Variants in OSBPL6 observed in about 807,000 individuals in gnomAD.
The protein encoded by OSBPL6 is oxysterol-binding protein-related protein 6.
OSBPL6 carries 49 observed loss-of-function variants against 125.8 expected under a neutral mutation model. The ratio of observed to expected loss-of-function variants is 0.39; its 90% CI spans 0.31 to 0.49. The LOEUF is 0.49. Ranked by LOEUF, OSBPL6 falls within the 20% of genes least tolerant of loss-of-function variation. The pLI is 0.88. For missense variants in OSBPL6, 986 were observed against 1,135.4 expected (o/e 0.87, Z 1.89); for synonymous variants, 394 against 391.8 (o/e 1.01, Z -0.07).
In OSBPL6 at chr2:178,221,757, G is replaced by C. The variant is rs546135916; in HGVS notation, c.-351+27083G>C. 4.6e-4 allele frequency among the ~76,000 whole-genome samples: 70 copies of C among 152,336 alleles called. 2 individuals are homozygous for C. The South Asian group carries it at 1.0e-2, about 22-fold the overall frequency. Reference sequence around the variant, plus strand: ...CTCAGTCAACCAACCATGTTTTGGGGAGTAGGGAGGAGGGCTGGTTTCACA... The same window carrying C: ...CTCAGTCAACCAACCATGTTTTGGGCAGTAGGGAGGAGGGCTGGTTTCACA... On this transcript the variant is annotated intron_variant, in intron 1 of 24. Coordinates refer to ENST00000190611, the MANE Select transcript of OSBPL6 (RefSeq NM_032523.4).
At chr2:178,291,925 C>A (rs1287004748) in intron 2 of OSBPL6, among the ~76,000 whole-genome samples, 1 of 151,970 alleles carries the variant, frequency 6.6e-6, no homozygotes, top group Non-Finnish European at 1.5e-5. Context: ...AGACCATTCC[C>A]CCTTTTGTCT....
chr2:178,301,630 C>T (rs1686294943), intron 2 of OSBPL6, among the ~76,000 whole-genome samples: 1 of 152,118 alleles, frequency 6.6e-6, no homozygotes, highest in Non-Finnish European at 1.5e-5. Context: ...TCATTATACC[C>T]AAATATCTAC....
At chr2:178,224,350 T>A (rs1400945995) in intron 1 of OSBPL6, among the ~76,000 whole-genome samples, 4 of 151,668 alleles carry the variant, frequency 2.6e-5, no homozygotes, top group African/African-American at 9.7e-5. Context: ...AAGTTATGTT[T>A]AGAAAAAAAA....
intron 8 of OSBPL6, 54 bp downstream of exon 8, chr2:178,333,095 A>C: frequency 6.3e-7 from 1 of 1,598,872 alleles, no homozygotes; most frequent in Non-Finnish European, 8.5e-7. Context: ...AAATTATGCA[A>C]ATTTTGGCCA....
At chr2:178,194,871 G>A (rs2088768190) in intron 1 of OSBPL6, among the ~76,000 whole-genome samples, 197 bp downstream of exon 1, 1 of 152,152 alleles carries the variant, frequency 6.6e-6, no homozygotes, top group Admixed American at 6.5e-5. Context: ...ACAGGGAAGT[G>A]GGGGCGGCGG....
chr2:178,368,254 T>C (rs1356808098), intron 13 of OSBPL6, among the ~76,000 whole-genome samples: 1 of 152,174 alleles, frequency 6.6e-6, no homozygotes, highest in African/African-American at 2.4e-5. Context: ...AAAAACAGCC[T>C]GTACGATCAA....
At chr2:178,223,239 C>T (rs192305739) in intron 1 of OSBPL6, among the ~76,000 whole-genome samples, 131 of 152,314 alleles carry the variant, frequency 8.6e-4, no homozygotes, top group Non-Finnish European at 1.8e-4. Context: ...TCTTAAATCG[C>T]ATCTCTATTA....
intron 2 of OSBPL6, among the ~76,000 whole-genome samples, chr2:178,297,240 T>C (rs530156539): frequency 1.3e-5 from 2 of 152,194 alleles, no homozygotes; most frequent in East Asian, 3.9e-4. Context: ...ATTGAACAGA[T>C]AGGAAACTCC....
rs924459707 is a variant in OSBPL6, at chr2:178,397,604, G to C, written c.*2045G>C. ...GGTCTGTACTTACTAGCACTTCCCT[G>C]AACAGTCTCAAAATAGCCTAAACAT... On this transcript the variant is annotated 3_prime_UTR_variant, in exon 25 of 25. Coordinates refer to ENST00000190611, the MANE Select transcript of OSBPL6 (RefSeq NM_032523.4). The C allele has an allele frequency of 3.3e-5, 5 of 152,054 alleles. No homozygotes were observed. The highest frequency in any genetic ancestry group is 1.2e-4 in the African/African-American group (5 of 41,390). 9.4% of individuals were successfully genotyped at this position (152,054 alleles called of 1,614,324 possible).
At chr2:178,325,721 A>G (rs1327514729) in intron 4 of OSBPL6, among the ~76,000 whole-genome samples, 1 of 152,206 alleles carries the variant, frequency 6.6e-6, no homozygotes, top group African/African-American at 2.4e-5. Context: ...ATTGAAGTAC[A>G]TATCAATATT....
chr2:178,209,711 A>T (rs2089746921), intron 1 of OSBPL6, among the ~76,000 whole-genome samples: 1 of 151,944 alleles, frequency 6.6e-6, no homozygotes. Flanking sequence ...TGGGTCTTTT[A>T]AACTGAGGGC....
chr2:178,268,271 G>A (rs1407219637), intron 1 of OSBPL6, among the ~76,000 whole-genome samples: 1 of 151,860 alleles, frequency 6.6e-6, no homozygotes, highest in African/African-American at 2.4e-5. Context: ...TAGTAGAAAC[G>A]GGATTTCTCC....
chr2:178,238,021 C>T (rs1037532964), intron 1 of OSBPL6, among the ~76,000 whole-genome samples: 6 of 152,166 alleles, frequency 3.9e-5, no homozygotes, highest in Admixed American at 3.9e-4. Context: ...CAGGGAATGA[C>T]CTTTTCTCAA....
At chr2:178,320,271 A>G (rs1466758930) in intron 3 of OSBPL6, 1 of 1,610,704 alleles carries the variant, frequency 6.2e-7, no homozygotes, top group Non-Finnish European at 8.5e-7. Context: ...GGAGGTATTG[A>G]GATCAATGAA....
intron 1 of OSBPL6, chr2:178,230,439 C>T (rs1288275866): frequency 6.6e-6 from 1 of 152,250 alleles, no homozygotes; most frequent in African/African-American, 2.4e-5. Context: ...CTGATCTTCA[C>T]TGGCATACTG....
intron 3 of OSBPL6, among the ~76,000 whole-genome samples, chr2:178,312,570 C>A (rs1429520606): frequency 6.6e-6 from 1 of 151,954 alleles, no homozygotes; most frequent in Non-Finnish European, 1.5e-5. Flanking sequence ...ATTCTGACAC[C>A]TCAGCCTCCC....
At chr2:178,237,004 A>T (rs2091079357) in intron 1 of OSBPL6, among the ~76,000 whole-genome samples, 1 of 151,992 alleles carries the variant, frequency 6.6e-6, no homozygotes, top group African/African-American at 2.4e-5. Flanking sequence ...CTTACCTCTT[A>T]TACTCTCTCA....
chr2:178,334,026 G>C (rs1689454212), intron 8 of OSBPL6, among the ~76,000 whole-genome samples: 2 of 152,160 alleles, frequency 1.3e-5, no homozygotes, highest in South Asian at 4.1e-4. Flanking sequence ...CCAGACTAAG[G>C]GAGGCTGACC....
chr2:178,328,524 G>A (rs1281284959), intron 5 of OSBPL6, 146 bp downstream of exon 5: 1 of 961,840 alleles, frequency 1.0e-6, no homozygotes, highest in Non-Finnish European at 1.5e-6. Context: ...TTCTCACTCT[G>A]TTACCCAAGC....
Sources: gnomAD v4.1 joint callset for allele counts (sites outside exome capture counted in the v4.1 genomes callset) on GRCh38, gnomAD v4.1.1 for gene constraint, MANE v1.5 for transcripts, NCBI Gene and HGNC (gene_info 2026-07-23, HGNC 2026-07-21) for gene names.